LYPD8: variants seen among roughly 807,000 people sequenced by gnomAD.
LYPD8 encodes the protein ly6/PLAUR domain-containing protein 8.
In LYPD8, 8 loss-of-function variants were observed where a neutral mutation model predicts 1.7. The observed-to-expected ratio is 4.58, with a 90% confidence interval of 2.69 to 8.27. The LOEUF (loss-of-function observed/expected upper bound fraction) is 8.27. Ranked by LOEUF, LYPD8 falls within the 30% of genes most tolerant of loss-of-function variation. The probability of loss-of-function intolerance (pLI) is 0.00; values close to 1 mark genes in which losing one functional copy is unlikely to be tolerated. For synonymous variants in LYPD8, 50 were observed against 43.6 expected, an observed-to-expected ratio of 1.15 and a Z score of -0.58; for missense variants, 112 against 102.3, an observed-to-expected ratio of 1.09 and a Z score of -0.41.
chr1:248,752,845 ACACACAC>A (rs1662835101), intron 2 of LYPD8, among the ~76,000 whole-genome samples: 1 of 99,808 alleles, frequency 1.0e-5, no homozygotes, highest in Admixed American at 9.8e-5. Context: ...CACCCCACAC[ACACACAC>A]CACACCACAC....
chr1:248,754,515 C>A (rs1381839620), intron 2 of LYPD8, among the ~76,000 whole-genome samples: 1 of 151,062 alleles, frequency 6.6e-6, no homozygotes, highest in East Asian at 1.9e-4. Context: ...TGCCTCCACA[C>A]ACAGAGACAC....
At chr1:248,754,434 C>T (rs1447304961) in intron 2 of LYPD8, among the ~76,000 whole-genome samples, 2 of 150,914 alleles carry the variant, frequency 1.3e-5, no homozygotes, top group African/African-American at 4.9e-5. Flanking sequence ...CACCACACAC[C>T]TCACACACGT....
intron 2 of LYPD8, among the ~76,000 whole-genome samples, chr1:248,752,782 C>T (rs1662829561): frequency 2.6e-5 from 3 of 115,312 alleles, no homozygotes; most frequent in Admixed American, 8.5e-5. Context: ...ACACAACACA[C>T]ACCACACACA....
chr1:248,753,094 A>AT (rs1662848696), intron 2 of LYPD8, among the ~76,000 whole-genome samples: 1 of 114,994 alleles, frequency 8.7e-6, no homozygotes. Flanking sequence ...CACACTACAC[A>AT]CACACCACAC....
chr1:248,746,191 AAGAC>A (rs1662723831), intron 5 of LYPD8, among the ~76,000 whole-genome samples: 1 of 152,236 alleles, frequency 6.6e-6, no homozygotes, highest in African/African-American at 2.4e-5. Flanking sequence ...TTTAATTTCT[AAGAC>A]AGTACATATT....
intron 2 of LYPD8, among the ~76,000 whole-genome samples, chr1:248,753,291 A>C (rs1432938523): frequency 4.2e-4 from 30 of 70,966 alleles, no homozygotes; most frequent in East Asian, 1.2e-3. Flanking sequence ...ACACACACAC[A>C]CCACACACAC....
chr1:248,742,515 T>G (rs1572152519), intron 6 of LYPD8, among the ~76,000 whole-genome samples: 2 of 48,356 alleles, frequency 4.1e-5, no homozygotes, highest in Non-Finnish European at 3.4e-5. Flanking sequence ...TATGCTCTGG[T>G]GGGGATGTTG....
rs112965044 is a variant in LYPD8 at position 248,742,896 on chromosome 1, C to T, written c.475+2246G>A. Reference sequence around the variant, plus strand: ...TGTTGGCAGCCGGGTAGATTACGCTCTGGTGGGGATGTTGGCAGCGGGGGA... The same window carrying T: ...TGTTGGCAGCCGGGTAGATTACGCTTTGGTGGGGATGTTGGCAGCGGGGGA... On this transcript the variant is annotated intron_variant, in intron 6 of 6. Transcript: ENST00000590317. Among the ~76,000 whole-genome samples the T allele has an allele frequency of 7.3e-3, 791 of 107,742 alleles. 43 individuals are homozygous for T. Among genetic ancestry groups the T allele is most frequent in the African/African-American group, 0.032 (731 of 22,710 alleles). 70.7% of individuals were successfully genotyped at this position (107,742 alleles called of 152,430 possible). A position where few individuals can be genotyped will look rare whatever the true frequency, so the allele number is the denominator to read the frequency against.
At chr1:248,748,896 T>C (rs1225281092) in intron 4 of LYPD8, among the ~76,000 whole-genome samples, 1 of 152,252 alleles carries the variant, frequency 6.6e-6, no homozygotes, top group African/African-American at 2.4e-5. Flanking sequence ...TATTTGTGCC[T>C]ATTTAAATTT....
At position 248,750,619 on chromosome 1, in the gene LYPD8, T is replaced by C. The variant is rs1276234323; in HGVS notation, c.77A>G (p.Asn26Ser). Reference protein sequence around the residue: ...AVESLSCVQCNSWEKSCVNSI... With the variant: ...AVESLSCVQCSSWEKSCVNSI... ...GTTGACACAGGATTTTTCCCATGAA[T>C]TACACTGCACGCAGCTCAGAGATTC... Residue 26 changes from asparagine (N) to serine (S), a missense_variant, in exon 4 of 7, where the codon AAT (asparagine) becomes AGT (serine). Asn to Ser is a conservative substitution (Grantham distance 46). Transcript: ENST00000590317. 2.5e-6 allele frequency: 1 copy of C among 398,466 alleles called. No individual in the cohort carries two copies. Among genetic ancestry groups the C allele is most frequent in the East Asian group, 3.6e-5 (1 of 28,080 alleles). The allele number at this position is 398,466 out of a possible 1,614,324, so 24.7% of individuals were successfully genotyped here.
At chr1:248,746,060 T>A (rs1391302627) in intron 5 of LYPD8, among the ~76,000 whole-genome samples, 2 of 152,208 alleles carry the variant, frequency 1.3e-5, no homozygotes, top group Non-Finnish European at 2.9e-5. Flanking sequence ...AAAGGTATAA[T>A]AACAATGCCA....
At chr1:248,754,897 C>T (rs1238712479) in intron 2 of LYPD8, among the ~76,000 whole-genome samples, 1 of 152,134 alleles carries the variant, frequency 6.6e-6, no homozygotes, top group Non-Finnish European at 1.5e-5. Context: ...TGCTTTTCTC[C>T]TCAGTGGGAA....
intron 2 of LYPD8, among the ~76,000 whole-genome samples, chr1:248,752,576 C>T (rs1291892879): frequency 2.1e-5 from 3 of 142,912 alleles, no homozygotes; most frequent in Admixed American, 7.0e-5. Context: ...TGAACACACA[C>T]ATCACACACA....
At chr1:248,753,176 T>TCA (rs1331782171) in intron 2 of LYPD8, among the ~76,000 whole-genome samples, 1 of 26,332 alleles carries the variant, frequency 3.8e-5, no homozygotes, top group East Asian at 1.4e-3. Context: ...ACACACCACA[T>TCA]CACACACACA....
intron 4 of LYPD8, among the ~76,000 whole-genome samples, chr1:248,750,062 A>G (rs2103171122): frequency 6.6e-6 from 1 of 152,312 alleles, no homozygotes. Flanking sequence ...ATTACAAAAA[A>G]GTGAAGAAGA....
chr1:248,752,460 C>T (rs909906847), intron 2 of LYPD8, among the ~76,000 whole-genome samples: 3 of 150,784 alleles, frequency 2.0e-5, no homozygotes, highest in South Asian at 2.1e-4. Context: ...ATCTGGAAGC[C>T]CCTACTCCCA....
chr1:248,748,410 C>A lies in LYPD8; in HGVS notation c.216G>T (p.Glu72Asp). ...RLYQNMFCSA[E>D]NCSEETHITA... ...TAATGTGTGTCTCCTCACTGCAGTTCTCCGCTGAGCAGAACATATTCTGGT... is the reference window on the plus strand; with the variant it reads ...TAATGTGTGTCTCCTCACTGCAGTTATCCGCTGAGCAGAACATATTCTGGT... Residue 72 changes from glutamate (E) to aspartate (D), a missense_variant, in exon 5 of 7, where the codon GAG becomes GAT. Physicochemically the swap from Glu to Asp is conservative, Grantham distance 45. Coordinates refer to ENST00000590317, the MANE Select transcript of LYPD8 (RefSeq NM_001085474.2). 1 of 425,376 alleles carries A rather than the reference C, an allele frequency of 2.4e-6. No homozygotes were observed. The highest frequency in any genetic ancestry group is 7.9e-5 in the South Asian group (1 of 12,734). 26.4% of individuals were successfully genotyped at this position (425,376 alleles called of 1,614,324 possible).
In LYPD8 at chr1:248,748,365, C is replaced by T. The variant is rs1330130799; in HGVS notation, c.261G>A (p.Val87=). ...CAAAATGAAAGTGTTCTTCAGCAGA[C>T]ACGTGGACAGTGAAGGCTGTAATGT... ...ETHITAFTVH[V]SAEEHFHFVS... is the part of the protein sequence containing the mutation. Residue 87 remains valine, a synonymous_variant, in exon 5 of 7, where the codon GTG becomes GTA. Transcript: ENST00000590317. The T allele has an allele frequency of 6.6e-6, 3 of 457,044 alleles. No homozygotes were observed. Among genetic ancestry groups the T allele is most frequent in the Non-Finnish European group, 7.6e-6 (2 of 262,200 alleles). 28.3% of individuals were successfully genotyped at this position (457,044 alleles called of 1,614,324 possible). A position where few individuals can be genotyped will look rare whatever the true frequency, so the allele number is the denominator to read the frequency against.
chr1:248,743,885 G>A (rs377460117), intron 6 of LYPD8, among the ~76,000 whole-genome samples: 70 of 152,334 alleles, frequency 4.6e-4, no homozygotes, highest in East Asian at 2.9e-3. Flanking sequence ...CAGAAGGAGC[G>A]CATGGCCTGG....
Sources: gnomAD v4.1 joint callset for allele counts (sites outside exome capture counted in the v4.1 genomes callset) on GRCh38, gnomAD v4.1.1 for gene constraint, MANE v1.5 for transcripts, NCBI Gene and HGNC (gene_info 2026-07-23, HGNC 2026-07-21) for gene names.